The following SNTG2 variants were observed in gnomAD, a reference collection of about 807,000 sequenced individuals.
SNTG2 encodes gamma-2-syntrophin.
Under a neutral mutation model 70.9 loss-of-function variants are expected in SNTG2, and 74 were observed. The observed-to-expected ratio is 1.04, with a 90% CI of 0.86 to 1.27. The LOEUF (loss-of-function observed/expected upper bound fraction) is 1.27, where lower values mean the gene tolerates loss of function less well. SNTG2 is among the 50% of genes most tolerant of loss of function. The pLI is 0.00. For synonymous variants in SNTG2, 278 were observed against 273.8 expected, an observed-to-expected ratio of 1.02 and a Z score of -0.15; for missense variants, 717 against 690.7, an observed-to-expected ratio of 1.04 and a Z score of -0.43.
intron 12 of SNTG2, among the ~76,000 whole-genome samples, chr2:1,251,783 C>T (rs924736746): frequency 1.3e-5 from 2 of 150,100 alleles, no homozygotes; most frequent in Non-Finnish European, 3.0e-5. Flanking sequence ...CATCTGCACA[C>T]CACTCATGCA....
intron 14 of SNTG2, among the ~76,000 whole-genome samples, chr2:1,307,712 T>C (rs1276911102): frequency 6.6e-6 from 1 of 152,222 alleles, no homozygotes; most frequent in Non-Finnish European, 1.5e-5. Flanking sequence ...GCTTCTTTCG[T>C]CTGGAGTCGC....
chr2:1,337,443 A>T (rs1461559834), intron 16 of SNTG2, among the ~76,000 whole-genome samples: 1 of 152,142 alleles, frequency 6.6e-6, no homozygotes, highest in Non-Finnish European at 1.5e-5. Context: ...ATGATTATTG[A>T]TGTTGAACAT....
intron 1 of SNTG2, among the ~76,000 whole-genome samples, chr2:1,017,316 T>C (rs1214173243): frequency 1.3e-5 from 2 of 152,192 alleles, no homozygotes; most frequent in African/African-American, 4.8e-5. Context: ...GCAAAAGGTA[T>C]GTAATAAGGG....
chr2:1,094,221 G>A (rs1237486574), intron 2 of SNTG2, among the ~76,000 whole-genome samples: 3 of 100,864 alleles, frequency 3.0e-5, no homozygotes, highest in African/African-American at 3.6e-5. Flanking sequence ...GTCCTCATAT[G>A]GTAGAGTTAC....
chr2:1,315,384 TCTGCAGC>T (rs1484303670), intron 15 of SNTG2, among the ~76,000 whole-genome samples: 2 of 152,194 alleles, frequency 1.3e-5, no homozygotes. Flanking sequence ...TTCCCTGTTT[TCTGCAGC>T]CCCTTTGTCT....
At chr2:1,362,824 T>C (rs1661269137) in intron 16 of SNTG2, among the ~76,000 whole-genome samples, 1 of 152,066 alleles carries the variant, frequency 6.6e-6, no homozygotes, top group South Asian at 2.1e-4. Context: ...ATGCTGAGCA[T>C]TTCAGTAGAA....
chr2:1,152,382 AG>A (rs1669557038), intron 6 of SNTG2, among the ~76,000 whole-genome samples: 1 of 152,194 alleles, frequency 6.6e-6, no homozygotes, highest in African/African-American at 2.4e-5. Flanking sequence ...TGTACGTGTG[AG>A]GCCGTGTGCA....
chr2:1,337,080 C>T (rs1394870215), intron 16 of SNTG2, among the ~76,000 whole-genome samples: 2 of 152,032 alleles, frequency 1.3e-5, no homozygotes, highest in South Asian at 2.1e-4. Context: ...GAATAATATT[C>T]CATTATATGC....
Position 1,255,843 on chromosome 2 carries a change from A to AAT in SNTG2, c.1006-3519_1006-3518dup, listed in dbSNP as rs1282426199. Among the ~76,000 whole-genome samples the AAT allele has an allele frequency of 6.3e-3, 205 of 32,286 alleles. 1 individual carries two copies. Among genetic ancestry groups the AAT allele is most frequent in the African/African-American group, 0.028 (187 of 6,702 alleles). The allele number at this position is 32,286 out of a possible 152,430, so 21.2% of individuals were successfully genotyped here. A position where few individuals can be genotyped will look rare whatever the true frequency, so the allele number is the denominator to read the frequency against. Reference sequence around the variant, plus strand: ...ATGTATATATATATAAATATATATAAATATATATAAATATATATAAATATA... The same window carrying AAT: ...ATGTATATATATATAAATATATATAAATATATATATAAATATATATAAATATA... On this transcript the variant is annotated intron_variant, in intron 12 of 16. Transcript: ENST00000308624.
chr2:1,054,139 C>T (rs945440540), intron 1 of SNTG2, among the ~76,000 whole-genome samples: 2 of 152,174 alleles, frequency 1.3e-5, no homozygotes, highest in East Asian at 1.9e-4. Flanking sequence ...GTCATTGCCA[C>T]CCTGATTCAG....
chr2:1,360,235 C>T (rs543343584), intron 16 of SNTG2, among the ~76,000 whole-genome samples: 14 of 152,302 alleles, frequency 9.2e-5, no homozygotes, highest in Admixed American at 2.0e-4. Flanking sequence ...CCTGCAGCCT[C>T]TGGGGGACAG....
chr2:1,153,496 G>A (rs1326411725), intron 6 of SNTG2, among the ~76,000 whole-genome samples: 1 of 152,186 alleles, frequency 6.6e-6, no homozygotes, highest in Non-Finnish European at 1.5e-5. Context: ...TATATGATTA[G>A]GAATGTCAGT....
chr2:1,193,493 A>G (rs1218840272), intron 8 of SNTG2, among the ~76,000 whole-genome samples: 1 of 152,224 alleles, frequency 6.6e-6, no homozygotes, highest in Non-Finnish European at 1.5e-5. Context: ...CGCATATTTT[A>G]GAAGTCCGTT....
intron 9 of SNTG2, among the ~76,000 whole-genome samples, chr2:1,226,210 T>C (rs1323798651): frequency 6.6e-6 from 1 of 152,108 alleles, no homozygotes; most frequent in Admixed American, 6.5e-5. Context: ...GAAACCTACA[T>C]GGTTATGTCA....
chr2:1,054,103 T>C (rs1364623022), intron 1 of SNTG2, among the ~76,000 whole-genome samples: 1 of 152,196 alleles, frequency 6.6e-6, no homozygotes, highest in Non-Finnish European at 1.5e-5. Flanking sequence ...CACCTGCACA[T>C]GTCTGCTGGG....
At chr2:1,073,865 G>T (rs756406260) in intron 1 of SNTG2, among the ~76,000 whole-genome samples, 1 of 152,178 alleles carries the variant, frequency 6.6e-6, no homozygotes, top group East Asian at 1.9e-4. Context: ...TGTTAAAAGC[G>T]TGTCTCAGTA....
At chr2:1,114,431 C>T (rs948110064) in intron 4 of SNTG2, among the ~76,000 whole-genome samples, 1 of 151,840 alleles carries the variant, frequency 6.6e-6, no homozygotes, top group African/African-American at 2.4e-5. Context: ...TGAGGTTTAA[C>T]CCTTACAGTC....
At chr2:1,335,935 C>T (rs753491925) in intron 16 of SNTG2, among the ~76,000 whole-genome samples, 7 of 152,114 alleles carry the variant, frequency 4.6e-5, no homozygotes, top group Non-Finnish European at 8.8e-5. Flanking sequence ...TCATGGTTTA[C>T]GTCACCAGAT....
rs577595262 is a variant in SNTG2, at chr2:1,365,234, G to A, written c.1489-2109G>A. ...AGGCCCTGGGTTCCACTCATGACCA[G>A]AGTGAGGGATGCTGGTTACCAAGTG... On this transcript the variant is annotated intron_variant, in intron 16 of 16. Transcript: ENST00000308624. Among the ~76,000 whole-genome samples, 4 of 152,288 alleles carry A rather than the reference G, an allele frequency of 2.6e-5. No individual in the cohort carries two copies. The South Asian group carries it at 8.3e-4, about 32-fold the overall frequency.
Sources: allele counts gnomAD v4.1 joint callset (sites outside exome capture counted in the v4.1 genomes callset), GRCh38; gene constraint gnomAD v4.1.1; transcripts MANE v1.5; gene names NCBI Gene and HGNC (gene_info 2026-07-23, HGNC 2026-07-21).